Variants in SOX5 observed in about 807,000 individuals in gnomAD.
SOX5 encodes transcription factor SOX-5.
In SOX5, 9 loss-of-function variants were observed where a neutral mutation model predicts 92.0. The ratio of observed to expected loss-of-function variants is 0.10; its 90% CI spans 0.06 to 0.17. The LOEUF is 0.17. Ranked by LOEUF, SOX5 falls within the 10% of genes least tolerant of loss-of-function variation. The pLI, the probability that SOX5 is intolerant of heterozygous loss-of-function variation, is 1.00. For synonymous variants in SOX5, 344 were observed against 336.3 expected, an observed-to-expected ratio of 1.02 and a Z score of -0.25; for missense variants, 642 against 944.5, an observed-to-expected ratio of 0.68 and a Z score of 4.20.
At chr12:24,470,777 G>A (rs1277658022) in intron 1 of SOX5, among the ~76,000 whole-genome samples, 1 of 152,094 alleles carries the variant, frequency 6.6e-6, no homozygotes, top group African/African-American at 2.4e-5. Flanking sequence ...TAGCAAGATA[G>A]CTAACCTTTC....
intron 3 of SOX5, among the ~76,000 whole-genome samples, chr12:24,217,786 T>A (rs1959369270): frequency 6.6e-6 from 1 of 152,176 alleles, no homozygotes; most frequent in African/African-American, 2.4e-5. Context: ...AAAGAACTCT[T>A]AGAACTCTAT....
At chr12:24,287,021 A>T (rs552854252) in intron 2 of SOX5, among the ~76,000 whole-genome samples, 13 of 152,304 alleles carry the variant, frequency 8.5e-5, no homozygotes, top group South Asian at 4.1e-4. Flanking sequence ...ACTAAACTAG[A>T]TATTGGGTCA....
At chr12:24,178,046 G>A (rs910777423) in intron 4 of SOX5, among the ~76,000 whole-genome samples, 4 of 152,172 alleles carry the variant, frequency 2.6e-5, no homozygotes, top group African/African-American at 9.7e-5. Flanking sequence ...GACAAAGGCA[G>A]TGAAACTGAA....
At chr12:24,261,596 A>G (rs17498206) in intron 3 of SOX5, among the ~76,000 whole-genome samples, 3,293 of 152,336 alleles carry the variant, frequency 0.022, 58 homozygotes, top group South Asian at 0.069. Flanking sequence ...AAAAAAATCA[A>G]TGGCACCTCA....
At chr12:23,552,404 A>C (rs1354837116) in intron 11 of SOX5, among the ~76,000 whole-genome samples, 1 of 151,842 alleles carries the variant, frequency 6.6e-6, no homozygotes, top group African/African-American at 2.4e-5. Context: ...GCTTGGACTT[A>C]ACTTAGTTTA....
At chr12:23,696,872 T>C (rs939642428) in intron 6 of SOX5, among the ~76,000 whole-genome samples, 3 of 152,218 alleles carry the variant, frequency 2.0e-5, no homozygotes, top group Non-Finnish European at 4.4e-5. Flanking sequence ...AGAGGTATTT[T>C]ATTTAGTTTC....
intron 4 of SOX5, among the ~76,000 whole-genome samples, chr12:23,980,225 G>A (rs559782348): frequency 3.3e-5 from 5 of 152,112 alleles, no homozygotes; most frequent in African/African-American, 1.2e-4. Context: ...TTCATACTGA[G>A]AGACTAAATA....
intron 1 of SOX5, among the ~76,000 whole-genome samples, chr12:24,400,440 T>C (rs1961249256): frequency 6.6e-6 from 1 of 152,178 alleles, no homozygotes; most frequent in Non-Finnish European, 1.5e-5. Flanking sequence ...TTTCGACTTT[T>C]AGGAAAGTTG....
intron 3 of SOX5, among the ~76,000 whole-genome samples, chr12:23,761,557 C>T (rs1011179742): frequency 6.6e-6 from 1 of 152,026 alleles, no homozygotes; most frequent in African/African-American, 2.4e-5. Flanking sequence ...TAAAAAAGTA[C>T]CAATTAGAGA....
intron 4 of SOX5, among the ~76,000 whole-genome samples, chr12:24,209,389 GATTCTT>G (rs1200465977): frequency 2.0e-5 from 3 of 152,106 alleles, no homozygotes; most frequent in Admixed American, 6.5e-5. Context: ...TGATAAAAAT[GATTCTT>G]ATTCTTATGA....
At chr12:23,957,923 G>T (rs533037478) in intron 4 of SOX5, among the ~76,000 whole-genome samples, 2 of 152,044 alleles carry the variant, frequency 1.3e-5, no homozygotes, top group South Asian at 2.1e-4. Flanking sequence ...TTTGTAATTT[G>T]CCCTGATGCT....
At chr12:24,222,124 G>C (rs1046277235) in intron 3 of SOX5, among the ~76,000 whole-genome samples, 1 of 152,176 alleles carries the variant, frequency 6.6e-6, no homozygotes, top group African/African-American at 2.4e-5. Flanking sequence ...CAGTGAGGTT[G>C]TTATTGGCAT....
At chr12:23,688,188 T>C (rs1004971034) in intron 6 of SOX5, among the ~76,000 whole-genome samples, 1 of 152,056 alleles carries the variant, frequency 6.6e-6, no homozygotes, top group Non-Finnish European at 1.5e-5. Context: ...AATTCAGCAA[T>C]ACAATGATAT....
chr12:23,643,701 A>G (rs2080433194), intron 7 of SOX5, among the ~76,000 whole-genome samples: 1 of 152,212 alleles, frequency 6.6e-6, no homozygotes, highest in African/African-American at 2.4e-5. Context: ...CCAGACAGTG[A>G]TAATTTTTTT....
chr12:24,071,293 C>CT (rs1941737213), intron 4 of SOX5, among the ~76,000 whole-genome samples: 1 of 152,202 alleles, frequency 6.6e-6, no homozygotes, highest in Non-Finnish European at 1.5e-5. Flanking sequence ...GGGCAAAATG[C>CT]TTAACTGCAT....
intron 1 of SOX5, among the ~76,000 whole-genome samples, chr12:24,382,346 T>C (rs908189596): frequency 6.6e-6 from 1 of 152,088 alleles, no homozygotes; most frequent in African/African-American, 2.4e-5. Flanking sequence ...CCAGGAGAGT[T>C]GGTGGCTTCC....
At chr12:23,925,788 C>G (rs899134138) in intron 1 of SOX5, among the ~76,000 whole-genome samples, 10 of 152,028 alleles carry the variant, frequency 6.6e-5, no homozygotes, top group African/African-American at 2.4e-4. Flanking sequence ...TAGAAACAAA[C>G]TAACAAAAGT....
chr12:23,577,372 G>A (rs1319234390), intron 9 of SOX5, among the ~76,000 whole-genome samples: 1 of 151,060 alleles, frequency 6.6e-6, no homozygotes, highest in Non-Finnish European at 1.5e-5. Flanking sequence ...GCTAATTTTT[G>A]TATTTTTAGT....
Position 23,651,041 on chromosome 12 carries a change from T to C in SOX5, c.932-10144A>G, listed in dbSNP as rs939668437. On this transcript the variant is annotated intron_variant, in intron 7 of 14. Transcript: ENST00000451604. ...AAAAGAAAATATGTGAGAATTTTTT[T>C]TCAGTGTTTGAAGTTTTATTTTGGT... 2.6e-5 allele frequency among the ~76,000 whole-genome samples: 4 copies of C among 152,052 alleles called. 1 individual carries two copies. The highest frequency in any genetic ancestry group is 9.7e-5 in the African/African-American group (4 of 41,428).
Sources: gnomAD v4.1 joint callset for allele counts (sites outside exome capture counted in the v4.1 genomes callset) on GRCh38, gnomAD v4.1.1 for gene constraint, MANE v1.5 for transcripts, NCBI Gene and HGNC (gene_info 2026-07-23, HGNC 2026-07-21) for gene names.